The following SPATA17 variants were observed in gnomAD, a reference collection of about 807,000 sequenced individuals.
The protein encoded by SPATA17 is spermatogenesis-associated protein 17.
SPATA17 carries 53 observed loss-of-function variants against 62.2 expected under a neutral mutation model. That is an observed-to-expected ratio of 0.85 (90% CI 0.68 to 1.07). SPATA17 has a LOEUF of 1.07. Among genes scored for constraint, SPATA17 ranks in the 50% least tolerant of loss-of-function variants. SPATA17 has a pLI of 0.00. For synonymous variants in SPATA17, 146 were observed against 146.8 expected, an observed-to-expected ratio of 0.99 and a Z score of 0.04; for missense variants, 466 against 425.5, an observed-to-expected ratio of 1.10 and a Z score of -0.84.
intron 4 of SPATA17, among the ~76,000 whole-genome samples, chr1:217,675,456 A>G (rs552889344): frequency 6.6e-6 from 1 of 152,222 alleles, no homozygotes. Context: ...CCAATTTCTG[A>G]TATGAAATGT....
chr1:217,780,489 C>G (rs1417760475), intron 7 of SPATA17, among the ~76,000 whole-genome samples: 1 of 152,092 alleles, frequency 6.6e-6, no homozygotes, highest in Non-Finnish European at 1.5e-5. Flanking sequence ...ATTTTGTAGT[C>G]TCATTGGAAC....
At chr1:217,791,032 T>C (rs1673985787) in intron 8 of SPATA17, among the ~76,000 whole-genome samples, 2 of 152,268 alleles carry the variant, frequency 1.3e-5, no homozygotes, top group African/African-American at 4.8e-5. Context: ...GAGATTATCA[T>C]ATATTTTCAG....
At chr1:217,804,847 C>T (rs1674396194) in intron 9 of SPATA17, among the ~76,000 whole-genome samples, 3 of 152,242 alleles carry the variant, frequency 2.0e-5, no homozygotes, top group Non-Finnish European at 4.4e-5. Context: ...GCTATAACTT[C>T]ACACATGTTA....
rs144559338 is a variant in SPATA17, at chr1:217,845,581, G to A, written c.1006-17193G>A. On this transcript the variant is annotated intron_variant, in intron 9 of 10. Transcript: ENST00000366933. The stretch of plus-strand genomic sequence containing the variant: ...AAACCCAGACTACTGCTTGGTTTCT[G>A]CAGCTCAGCAATTTTATGTTTTTCA... Among the ~76,000 whole-genome samples, 395 of 152,092 alleles carry A rather than the reference G, an allele frequency of 2.6e-3. No individual in the cohort carries two copies. The Middle Eastern group carries it at 0.034, about 13-fold the overall frequency.
chr1:217,754,411 G>A (rs1672992601), intron 6 of SPATA17, among the ~76,000 whole-genome samples: 1 of 151,946 alleles, frequency 6.6e-6, no homozygotes, highest in African/African-American at 2.4e-5. Context: ...AAGCAGTTAG[G>A]TCATTTCTTT....
intron 6 of SPATA17, among the ~76,000 whole-genome samples, chr1:217,756,173 T>C (rs1272518602): frequency 6.6e-6 from 1 of 152,288 alleles, no homozygotes; most frequent in South Asian, 2.1e-4. Flanking sequence ...TAATTTTAGA[T>C]ACAAAACAAG....
At chr1:217,666,107 T>C (rs191761645) in intron 3 of SPATA17, among the ~76,000 whole-genome samples, 292 of 152,290 alleles carry the variant, frequency 1.9e-3, no homozygotes, top group African/African-American at 6.8e-3. Flanking sequence ...CTACTTCTTT[T>C]ATACTTAATT....
chr1:217,705,430 C>CTTTTTTTTTTTTTTTTTTTTTT (rs58138326), intron 5 of SPATA17, among the ~76,000 whole-genome samples: 1 of 46,606 alleles, frequency 2.1e-5, no homozygotes, highest in African/African-American at 8.7e-5. Context: ...TTCTAGTTGT[C>CTTTTTTTTTTTTTTTTTTTTTT]TTTTTTTTTT....
chr1:217,651,145 C>A lies in SPATA17; in HGVS notation c.207C>A (p.Phe69Leu). The change falls in exon 3 of 11, where the codon TTC (phenylalanine) becomes TTA (leucine). Residue 69 changes from phenylalanine to leucine, a missense_variant. Transcript: ENST00000366933. ...TTATTCAAAAATGGTGGAGAAGTTT[C>A]TTAGGCAGAAAGCAATATCAACTAA... The part of the protein sequence containing the change: ...VTIIQKWWRS[F>L]LGRKQYQLTV... The A allele has an allele frequency of 6.2e-7, 1 of 1,609,630 alleles. No individual in the cohort carries two copies. The highest frequency in any genetic ancestry group is 1.1e-5 in the South Asian group (1 of 89,782).
chr1:217,636,240 G>A (rs1445626713), intron 1 of SPATA17, among the ~76,000 whole-genome samples: 4 of 151,816 alleles, frequency 2.6e-5, no homozygotes, highest in African/African-American at 4.8e-5. Flanking sequence ...AATGTCTTCA[G>A]TTTTGGTAAC....
intron 9 of SPATA17, among the ~76,000 whole-genome samples, chr1:217,820,490 T>C (rs1338899056): frequency 6.6e-6 from 1 of 151,444 alleles, no homozygotes; most frequent in Non-Finnish European, 1.5e-5. Flanking sequence ...ATGGATTGAG[T>C]ATGATGTTTT....
intron 4 of SPATA17, among the ~76,000 whole-genome samples, chr1:217,676,683 C>T (rs1571723790): frequency 1.3e-5 from 2 of 152,234 alleles, no homozygotes; most frequent in Non-Finnish European, 1.5e-5. Context: ...TCATGTCATA[C>T]ATCTTGAGTC....
At chr1:217,714,626 G>A (rs540358925) in intron 5 of SPATA17, among the ~76,000 whole-genome samples, 115 of 151,170 alleles carry the variant, frequency 7.6e-4, no homozygotes, top group African/African-American at 2.7e-3. Context: ...TGGGACTACA[G>A]GTTCCCGCCA....
chr1:217,683,194 GT>G (rs1432804215), intron 4 of SPATA17, 63 bp from the exon 5 acceptor site: 1 of 1,114,646 alleles, frequency 9.0e-7, no homozygotes, highest in Non-Finnish European at 1.3e-6. Flanking sequence ...TAATTTTGAA[GT>G]GCTATTACAT....
intron 6 of SPATA17, among the ~76,000 whole-genome samples, chr1:217,764,983 A>T (rs1267280194): frequency 6.6e-6 from 1 of 152,076 alleles, no homozygotes; most frequent in African/African-American, 2.4e-5. Flanking sequence ...AGGGATAAAG[A>T]TTCTAGTTTC....
intron 3 of SPATA17, among the ~76,000 whole-genome samples, chr1:217,654,507 A>T (rs149383580): frequency 1.8e-3 from 273 of 152,276 alleles, no homozygotes; most frequent in African/African-American, 6.0e-3. Context: ...AAAAAATTTC[A>T]GATTTACAGA....
intron 6 of SPATA17, among the ~76,000 whole-genome samples, chr1:217,767,142 T>G (rs1427906012): frequency 1.3e-5 from 2 of 152,120 alleles, no homozygotes; most frequent in Non-Finnish European, 2.9e-5. Flanking sequence ...TAGGGTAGAG[T>G]GTAGGCTTGT....
rs375662508 is a variant in SPATA17 at position 217,782,200 on chromosome 1, A to G, written c.750A>G (p.Val250=). 86 of 1,606,310 alleles carry G rather than the reference A, an allele frequency of 5.4e-5. No individual in the cohort carries two copies. The highest frequency in any genetic ancestry group is 2.9e-4 in the Admixed American group (17 of 58,100). The change falls in exon 8 of 11, where the codon GTA becomes GTG. Residue 250 remains valine (V), a synonymous_variant. Transcript: ENST00000366933. ...CQGPFRDITE[V]LEQRYRPLEP... ...GGCCCTTCCGAGATATCACCGAAGT[A>G]TTAGAACAACGCTACAGGCCTTTGG...
intron 5 of SPATA17, among the ~76,000 whole-genome samples, chr1:217,721,188 T>C (rs146537771): frequency 3.3e-5 from 5 of 152,338 alleles, no homozygotes; most frequent in Admixed American, 3.3e-4. Flanking sequence ...AAACTAGATA[T>C]CAATTTACTT....
Sources: gnomAD v4.1 joint callset for allele counts (sites outside exome capture counted in the v4.1 genomes callset) on GRCh38, gnomAD v4.1.1 for gene constraint, MANE v1.5 for transcripts, NCBI Gene and HGNC (gene_info 2026-07-23, HGNC 2026-07-21) for gene names.